SLC44A1: variants seen among roughly 807,000 people sequenced by gnomAD.
SLC44A1 encodes solute carrier family 44 member 1, also known as choline transporter-like protein 1.
SLC44A1 carries 26 observed loss-of-function variants against 79.3 expected under a neutral mutation model. The observed-to-expected ratio is 0.33, with a 90% confidence interval of 0.24 to 0.46. The LOEUF is 0.46. Ranked by LOEUF, SLC44A1 falls within the 20% of genes least tolerant of loss-of-function variation. The pLI is 1.00. For synonymous variants in SLC44A1, 263 were observed against 286.2 expected, an observed-to-expected ratio of 0.92 and a Z score of 0.82; for missense variants, 688 against 798.1, an observed-to-expected ratio of 0.86 and a Z score of 1.66.
intron 2 of SLC44A1, among the ~76,000 whole-genome samples, chr9:105,305,196 C>G (rs1830995028): frequency 6.6e-6 from 1 of 151,704 alleles, no homozygotes; most frequent in South Asian, 2.1e-4. Context: ...TCTCAAACTC[C>G]TGGCCTCAAG....
At chr9:105,340,248 G>A (rs1276852387) in intron 4 of SLC44A1, among the ~76,000 whole-genome samples, 1 of 152,166 alleles carries the variant, frequency 6.6e-6, no homozygotes, top group Non-Finnish European at 1.5e-5. Flanking sequence ...CTATAACATG[G>A]ATGAACCTTG....
downstream of SLC44A1, among the ~76,000 whole-genome samples, chr9:105,398,358 A>C (rs947966759): frequency 3.9e-5 from 6 of 152,210 alleles, no homozygotes; most frequent in Non-Finnish European, 8.8e-5. Flanking sequence ...CCTGCCAAAA[A>C]GAGTTGTTAC....
chr9:105,329,217 G>GCACATTTTTC (rs1826676690), intron 3 of SLC44A1, among the ~76,000 whole-genome samples: 2 of 152,210 alleles, frequency 1.3e-5, no homozygotes, highest in Non-Finnish European at 2.9e-5. Context: ...AAATTGATAT[G>GCACATTTTTC]AGGTAATAAT....
intron 1 of SLC44A1, among the ~76,000 whole-genome samples, chr9:105,295,774 G>A (rs1489984304): frequency 5.3e-5 from 8 of 152,128 alleles, no homozygotes; most frequent in Admixed American, 5.2e-4. Flanking sequence ...GGGGGAGGGC[G>A]CCAAAGACTG....
At chr9:105,312,822 G>C (rs909726849) in intron 3 of SLC44A1, among the ~76,000 whole-genome samples, 2 of 151,960 alleles carry the variant, frequency 1.3e-5, no homozygotes, top group Non-Finnish European at 2.9e-5. Flanking sequence ...TTGTGCTAGC[G>C]TATCTATTCT....
chr9:105,418,054 G>A (rs1047747482), intron 15 of SLC44A1, among the ~76,000 whole-genome samples: 5 of 151,872 alleles, frequency 3.3e-5, no homozygotes, highest in African/African-American at 9.7e-5. Flanking sequence ...GGTGGCTCAC[G>A]CCTGTAATCC....
chr9:105,346,356 A>G (rs887829937), intron 4 of SLC44A1, among the ~76,000 whole-genome samples: 1 of 152,086 alleles, frequency 6.6e-6, no homozygotes, highest in Non-Finnish European at 1.5e-5. Context: ...CTCCTTTTTT[A>G]AATGAAGAAG....
At position 105,357,621 on chromosome 9, in the gene SLC44A1, A is replaced by AT. The variant is rs1358953518; in HGVS notation, c.671-718dup. Among the ~76,000 whole-genome samples, 5 of 152,228 alleles carry AT rather than the reference A, an allele frequency of 3.3e-5. No individual in the cohort carries two copies. In the East Asian group the frequency reaches 9.7e-4, roughly 29 times the overall value. ...TTAAATCTTTCCTTTCTTCTTTAAG[A>AT]TTTTTACTCAGGATTATAGCACATC... On this transcript the variant is annotated intron_variant, in intron 6 of 15. Coordinates refer to ENST00000374720, the MANE Select transcript of SLC44A1 (RefSeq NM_080546.5).
At position 105,244,713 on chromosome 9, in the gene SLC44A1, G is replaced by A; in HGVS notation, c.-156G>A. 1 of 322,076 alleles carries A rather than the reference G, an allele frequency of 3.1e-6. No homozygotes were observed. Among genetic ancestry groups the A allele is most frequent in the Non-Finnish European group, 5.4e-6 (1 of 185,028 alleles). The allele number at this position is 322,076 out of a possible 1,614,324, so 20.0% of individuals were successfully genotyped here. ...GCCGGCGCCTGCCTCTAGCCGCGCC[G>A]CCTCTTGAGTACCAGCCGCCGCTGC... On this transcript the variant is annotated 5_prime_UTR_variant, in exon 1 of 16. Coordinates refer to ENST00000374720, the MANE Select transcript of SLC44A1 (RefSeq NM_080546.5).
chr9:105,288,150 C>G (rs1381129157), intron 1 of SLC44A1, among the ~76,000 whole-genome samples: 1 of 152,194 alleles, frequency 6.6e-6, no homozygotes, highest in African/African-American at 2.4e-5. Flanking sequence ...AGCATAGATG[C>G]AATTTCAAAC....
At chr9:105,362,225 A>G (rs1208110962) in intron 8 of SLC44A1, among the ~76,000 whole-genome samples, 1 of 152,314 alleles carries the variant, frequency 6.6e-6, no homozygotes, top group East Asian at 1.9e-4. Flanking sequence ...TCTAAGAGCA[A>G]TCCCAAGCTT....
In SLC44A1 at chr9:105,417,857, AAAC is replaced by A. The variant is rs1384576737; in HGVS notation, c.1951-20421_1951-20419del. 5.8e-3 allele frequency among the ~76,000 whole-genome samples: 869 copies of A among 150,950 alleles called. 6 individuals are homozygous for A. Among genetic ancestry groups the A allele is most frequent in the African/African-American group, 0.02 (825 of 40,600 alleles). On this transcript the variant is annotated intron_variant, in intron 15 of 15. Coordinates refer to the SLC44A1 transcript ENST00000374724. ...ATCCCTACAAAAAAAAAAAAAAAAA[AAAC>A]AATTTAATTAGCCAGGTATGGTGGC...
In SLC44A1 at chr9:105,420,475, C is replaced by T. The variant is rs1829231456; in HGVS notation, c.1951-17806C>T. On this transcript the variant is annotated intron_variant, in intron 15 of 15. Coordinates refer to the SLC44A1 transcript ENST00000374724. ...CTCTTTTCTTTCACTGAGAATCATG[C>T]ATCCCTTTTTAATATATCTCTTTCT... 2.6e-5 allele frequency among the ~76,000 whole-genome samples: 4 copies of T among 152,262 alleles called. No homozygotes were observed. The South Asian group carries it at 8.3e-4, about 32-fold the overall frequency.
intron 15 of SLC44A1, among the ~76,000 whole-genome samples, chr9:105,412,160 C>T (rs1251607647): frequency 6.6e-6 from 1 of 152,118 alleles, no homozygotes; most frequent in Non-Finnish European, 1.5e-5. Flanking sequence ...AATATTTATT[C>T]ATCAAATAAT....
intron 3 of SLC44A1, among the ~76,000 whole-genome samples, chr9:105,319,215 A>T (rs1044572247): frequency 6.6e-6 from 1 of 152,112 alleles, no homozygotes; most frequent in African/African-American, 2.4e-5. Flanking sequence ...GGGTCCATAA[A>T]ACCACCTATT....
At chr9:105,282,139 T>G (rs1830367771) in intron 1 of SLC44A1, among the ~76,000 whole-genome samples, 2 of 152,208 alleles carry the variant, frequency 1.3e-5, no homozygotes, top group African/African-American at 4.8e-5. Flanking sequence ...ACAAGTGGGA[T>G]GTCTTAATGA....
chr9:105,361,706 A>G (rs1827785429), intron 8 of SLC44A1, among the ~76,000 whole-genome samples: 1 of 152,226 alleles, frequency 6.6e-6, no homozygotes, highest in Admixed American at 6.5e-5. Context: ...TTTGCTAATT[A>G]TCTTCCCATT....
At chr9:105,320,141 CAT>C (rs1564434925) in intron 3 of SLC44A1, among the ~76,000 whole-genome samples, 2 of 152,090 alleles carry the variant, frequency 1.3e-5, no homozygotes, top group African/African-American at 4.8e-5. Context: ...CCTTTTAAAA[CAT>C]ATAATAATGC....
chr9:105,286,503 G>A (rs556691621), intron 1 of SLC44A1, among the ~76,000 whole-genome samples: 1 of 152,290 alleles, frequency 6.6e-6, no homozygotes, highest in East Asian at 1.9e-4. Flanking sequence ...TCTTTGTATG[G>A]TATTATGATT....
Sources: allele counts gnomAD v4.1 joint callset (sites outside exome capture counted in the v4.1 genomes callset), GRCh38; gene constraint gnomAD v4.1.1; transcripts MANE v1.5; gene names NCBI Gene and HGNC (gene_info 2026-07-23, HGNC 2026-07-21).